The following DCPS variants were observed in gnomAD, a reference collection of about 807,000 sequenced individuals.
DCPS encodes decapping enzyme, scavenger.
DCPS carries 27 observed loss-of-function variants against 34.7 expected under a neutral mutation model. The observed-to-expected ratio is 0.78, with a 90% confidence interval of 0.57 to 1.07. DCPS has a LOEUF of 1.07. Among genes scored for constraint, DCPS ranks in the 50% least tolerant of loss-of-function variants. DCPS has a pLI of 0.00. For synonymous variants in DCPS, 185 were observed against 185.7 expected (o/e 1.00, Z 0.03); for missense variants, 464 against 436.9 (o/e 1.06, Z -0.55).
rs1052723166 is a variant in DCPS, at chr11:126,336,613, T to C, written c.523-1673T>C. Reference sequence around the variant, plus strand: ...GGGACTGGCCGTGGGGAGGCCTGCTTATGGGGTGCGTTGGGGCTGTCTGTA... The same window carrying C: ...GGGACTGGCCGTGGGGAGGCCTGCTCATGGGGTGCGTTGGGGCTGTCTGTA... On this transcript the variant is annotated intron_variant, in intron 3 of 5. Coordinates refer to ENST00000263579, the MANE Select transcript of DCPS (RefSeq NM_014026.6). The surrounding 1 kb of genome is among the most constrained non-coding windows in gnomAD (Gnocchi z 6.3). 1.2e-4 allele frequency: 18 copies of C among 152,220 alleles called. No individual in the cohort carries two copies. Among genetic ancestry groups the C allele is most frequent in the African/African-American group, 4.3e-4 (18 of 41,434 alleles). The allele number at this position is 152,220 out of a possible 1,614,324, so 9.4% of individuals were successfully genotyped here. A position where few individuals can be genotyped will look rare whatever the true frequency, so the allele number is the denominator to read the frequency against.
intron 1 of DCPS, 68 bp from the exon 2 acceptor site, chr11:126,306,502 C>A: frequency 6.9e-7 from 1 of 1,443,834 alleles, no homozygotes; most frequent in Admixed American, 2.5e-5. Flanking sequence ...CTGGGAGCTT[C>A]TGTCTTGCTC....
At position 126,343,375 on chromosome 11, in the gene DCPS, G is replaced by A. The variant is rs577236215; in HGVS notation, c.705G>A (p.Pro235=). ...RGIRSLRDLT[P]EHLPLLRNIL... ...TCAGATCCCTACGCGACCTTACTCC[G>A]GAGCACTTGCCGCTGCTCAGGAACA... The change falls in exon 5 of 6, where the codon CCG becomes CCA. Residue 235 remains proline (P), a synonymous_variant. Transcript: ENST00000263579. 1.7e-5 allele frequency: 27 copies of A among 1,613,898 alleles called. No homozygotes were observed. Among genetic ancestry groups the A allele is most frequent in the African/African-American group, 5.3e-5 (4 of 75,024 alleles).
chr11:126,337,221 G>A lies in DCPS; in HGVS notation c.523-1065G>A, dbSNP rs1284528972. 1 of 152,190 alleles carries A rather than the reference G, an allele frequency of 6.6e-6. No individual in the cohort carries two copies. The highest frequency in any genetic ancestry group is 2.4e-5 in the African/African-American group (1 of 41,444). 9.4% of individuals were successfully genotyped at this position (152,190 alleles called of 1,614,324 possible). ...CTTCTCCTACATCAGTGAGCTCGGA[G>A]ACCATTCTGACTGTGAGGAGGAAGG... is the stretch of plus-strand genomic sequence containing the variant. On this transcript the variant is annotated intron_variant, in intron 3 of 5. Coordinates refer to ENST00000263579, the MANE Select transcript of DCPS (RefSeq NM_014026.6). This position sits in a 1 kb window ranked among gnomAD's most constrained non-coding sequence, Gnocchi z 5.3.
rs1177651542 is a variant in DCPS, at chr11:126,312,120, G to A, written c.376+5376G>A. The stretch of plus-strand genomic sequence containing the variant: ...TAATTTTTGTGTTTTTAGTAGAGAT[G>A]GGGTTTCACCACATTGGCCAGGCTA... On this transcript the variant is annotated intron_variant, in intron 2 of 5. Transcript: ENST00000263579. This position sits in a 1 kb window ranked among gnomAD's most constrained non-coding sequence, Gnocchi z 5.1. 6.6e-6 allele frequency among the ~76,000 whole-genome samples: 1 copy of A among 151,610 alleles called. No individual in the cohort carries two copies. Among genetic ancestry groups the A allele is most frequent in the Non-Finnish European group, 1.5e-5 (1 of 67,944 alleles).
At chr11:126,304,414 C>G (rs1951546668) in intron 1 of DCPS, 133 bp downstream of exon 1, 1 of 991,770 alleles carries the variant, frequency 1.0e-6, no homozygotes. Context: ...GGGAGTGCGC[C>G]ACTAGAATGC....
intron 2 of DCPS, among the ~76,000 whole-genome samples, chr11:126,307,654 G>A (rs1463187150): frequency 1.3e-5 from 2 of 152,070 alleles, no homozygotes; most frequent in African/African-American, 2.4e-5. Context: ...TGATCCACCC[G>A]TCTTGGCCTC....
Position 126,332,354 on chromosome 11 carries a change from C to T in DCPS, c.522+804C>T, listed in dbSNP as rs564793544. Among the ~76,000 whole-genome samples the T allele has an allele frequency of 3.8e-4, 58 of 152,230 alleles. No individual in the cohort carries two copies. The highest frequency in any genetic ancestry group is 1.0e-3 in the African/African-American group (43 of 41,548). On this transcript the variant is annotated intron_variant, in intron 3 of 5. Coordinates refer to ENST00000263579, the MANE Select transcript of DCPS (RefSeq NM_014026.6). This position sits in a 1 kb window ranked among gnomAD's most constrained non-coding sequence, Gnocchi z 5.4. ...ACTGGAGCCTCTGCCTGGAACTGGC[C>T]CCATGTGAGTACTCAGAGTTAAATA...
intron 1 of DCPS, 118 bp from the exon 2 acceptor site, chr11:126,306,452 T>C: frequency 8.6e-7 from 1 of 1,167,484 alleles, no homozygotes; most frequent in Non-Finnish European, 1.2e-6. Context: ...GAGGGAAGAC[T>C]TCAGGGAAGG....
intron 4 of DCPS, among the ~76,000 whole-genome samples, chr11:126,340,297 G>A (rs148358243): frequency 3.5e-4 from 54 of 152,266 alleles, no homozygotes; most frequent in African/African-American, 1.2e-3. Context: ...AGCGATGCAG[G>A]TGTGGTCCTT....
Position 126,307,424 on chromosome 11 carries a change from T to A in DCPS, c.376+680T>A, listed in dbSNP as rs192422117. Reference sequence around the variant, plus strand: ...ATGGGATAGAATAATATATATATATTTTTTGAGATGGAGTCTTGCTCTGTT... The same window carrying A: ...ATGGGATAGAATAATATATATATATATTTTGAGATGGAGTCTTGCTCTGTT... On this transcript the variant is annotated intron_variant, in intron 2 of 5. Coordinates refer to ENST00000263579, the MANE Select transcript of DCPS (RefSeq NM_014026.6). Among the ~76,000 whole-genome samples the A allele has an allele frequency of 1.7e-3, 261 of 152,056 alleles. 1 individual carries two copies. The highest frequency in any genetic ancestry group is 5.9e-3 in the African/African-American group (246 of 41,464).
rs559706882 is a variant in DCPS, at chr11:126,335,349, G to T, written c.523-2937G>T. 3.5e-4 allele frequency among the ~76,000 whole-genome samples: 54 copies of T among 152,382 alleles called. No individual in the cohort carries two copies. The highest frequency in any genetic ancestry group is 1.3e-3 in the African/African-American group (53 of 41,594). ...GCATCACCCTCTGCCCAGTTTATCA[G>T]CAGGGCTGGCCAAGTTCTTGGGCAT... On this transcript the variant is annotated intron_variant, in intron 3 of 5. Coordinates refer to ENST00000263579, the MANE Select transcript of DCPS (RefSeq NM_014026.6). This position sits in a 1 kb window ranked among gnomAD's most constrained non-coding sequence, Gnocchi z 4.8.
At position 126,325,248 on chromosome 11, in the gene DCPS, T is replaced by C. The variant is rs1951731811; in HGVS notation, c.377-6157T>C. Among the ~76,000 whole-genome samples, 1 of 152,162 alleles carries C rather than the reference T, an allele frequency of 6.6e-6. No individual in the cohort carries two copies. Among genetic ancestry groups the C allele is most frequent in the Non-Finnish European group, 1.5e-5 (1 of 68,042 alleles). On this transcript the variant is annotated intron_variant, in intron 2 of 5. Transcript: ENST00000263579. The surrounding 1 kb of genome is among the most constrained non-coding windows in gnomAD (Gnocchi z 4.3). ...GACTTATTCCATACACCAAAAATTA[T>C]GCTGAAGAGAAGAAAATAATCACAG...
chr11:126,343,463 T>C, intron 5 of DCPS, 46 bp downstream of exon 5: 1 of 1,479,072 alleles, frequency 6.8e-7, no homozygotes. Flanking sequence ...GAAATTAGAC[T>C]CAGATTCCAG....
At position 126,338,788 on chromosome 11, in the gene DCPS, C is replaced by T. The variant is rs1010142021; in HGVS notation, c.636+389C>T. The stretch of plus-strand genomic sequence containing the variant: ...TGACACCAGCAGATCCAGGCAGGCC[C>T]GTGTTCTGAAGCACTGGCAGGCAGG... On this transcript the variant is annotated intron_variant, in intron 4 of 5. Coordinates refer to ENST00000263579, the MANE Select transcript of DCPS (RefSeq NM_014026.6). This position sits in a 1 kb window ranked among gnomAD's most constrained non-coding sequence, Gnocchi z 5.4. Among the ~76,000 whole-genome samples, 6 of 152,166 alleles carry T rather than the reference C, an allele frequency of 3.9e-5. No homozygotes were observed. The highest frequency in any genetic ancestry group is 1.2e-4 in the African/African-American group (5 of 41,442).
chr11:126,345,521 G>A lies in DCPS; in HGVS notation c.922G>A (p.Asp308Asn). The change falls in exon 6 of 6, where the codon GAC becomes AAC. Residue 308 changes from aspartate (D) to asparagine (N), a missense_variant. By Grantham distance (23) the Asp-to-Asn change is conservative. Transcript: ENST00000263579. This position sits in a 1 kb window ranked among gnomAD's most constrained non-coding sequence, Gnocchi z 7.4. ...TGAGGTGATCGAGAACTTGGAGTGT[G>A]ACCCTAGGCACTACCAGCAGCGCAC... The part of the protein sequence containing the change: ...LAEVIENLEC[D>N]PRHYQQRTLT... 6.2e-7 allele frequency: 1 copy of A among 1,614,106 alleles called. No homozygotes were observed. The highest frequency in any genetic ancestry group is 8.5e-7 in the Non-Finnish European group (1 of 1,180,044).
Position 126,331,274 on chromosome 11 carries a change from C to T in DCPS, c.377-131C>T. 7.4e-7 allele frequency: 1 copy of T among 1,358,412 alleles called. No individual in the cohort carries two copies. The allele number at this position is 1,358,412 out of a possible 1,614,324, so 84.1% of individuals were successfully genotyped here. A position where few individuals can be genotyped will look rare whatever the true frequency, so the allele number is the denominator to read the frequency against. Reference sequence around the variant, plus strand: ...ACTCTGTGGGAGTGGATCTTGGGTGCATGATCCTCTTGGATTTTGGCTTCC... The same window carrying T: ...ACTCTGTGGGAGTGGATCTTGGGTGTATGATCCTCTTGGATTTTGGCTTCC... On this transcript the variant is annotated intron_variant, in intron 2 of 5. Coordinates refer to ENST00000263579, the MANE Select transcript of DCPS (RefSeq NM_014026.6). This position sits in a 1 kb window ranked among gnomAD's most constrained non-coding sequence, Gnocchi z 7.2.
chr11:126,308,092 ATTTG>A (rs1361382239), intron 2 of DCPS, among the ~76,000 whole-genome samples: 1 of 152,184 alleles, frequency 6.6e-6, no homozygotes, highest in Non-Finnish European at 1.5e-5. Context: ...AAAGGCAGAG[ATTTG>A]TTTTTCATTG....
intron 1 of DCPS, among the ~76,000 whole-genome samples, chr11:126,306,227 G>C (rs1403490555): frequency 1.3e-5 from 2 of 152,082 alleles, no homozygotes; most frequent in African/African-American, 2.4e-5. Context: ...ACAAAAATTA[G>C]CCAGATGTGG....
rs1951952443 is a variant in DCPS, at chr11:126,347,932, C to G, written c.*2319C>G. Among the ~76,000 whole-genome samples the G allele has an allele frequency of 6.6e-6, 1 of 152,138 alleles. No homozygotes were observed. The highest frequency in any genetic ancestry group is 1.5e-5 in the Non-Finnish European group (1 of 68,030). Reference sequence around the variant, plus strand: ...AGGGAGGCCTCCCTGTGGAGCAGCCCTTCCCTGTGGCCTCAGCCCATGCCC... The same window carrying G: ...AGGGAGGCCTCCCTGTGGAGCAGCCGTTCCCTGTGGCCTCAGCCCATGCCC... On this transcript the variant is annotated 3_prime_UTR_variant, in exon 6 of 6. Coordinates refer to ENST00000263579, the MANE Select transcript of DCPS (RefSeq NM_014026.6). This position sits in a 1 kb window ranked among gnomAD's most constrained non-coding sequence, Gnocchi z 4.2.
Sources: gnomAD v4.1 joint callset for allele counts (sites outside exome capture counted in the v4.1 genomes callset) on GRCh38, gnomAD v4.1.1 for gene constraint, Gnocchi (gnomAD v3.1) non-coding constraint, MANE v1.5 for transcripts, NCBI Gene and HGNC (gene_info 2026-07-23, HGNC 2026-07-21) for gene names.